MDFIC: variants seen among roughly 807,000 people sequenced by gnomAD.
MDFIC encodes MyoD family inhibitor domain containing, also known as myoD family inhibitor domain-containing protein.
MDFIC carries 17 observed loss-of-function variants against 23.2 expected under a neutral mutation model. The observed-to-expected ratio is 0.73, with a 90% CI of 0.50 to 1.10. The LOEUF is 1.10. Ranked by LOEUF, MDFIC falls within the 50% of genes least tolerant of loss-of-function variation. The pLI is 0.00. For missense variants in MDFIC, 356 were observed against 316.6 expected (o/e 1.12, Z -0.95); for synonymous variants, 120 against 115.2 (o/e 1.04, Z -0.27).
chr7:115,002,984 C>A (rs1467635801), intron 4 of MDFIC, among the ~76,000 whole-genome samples: 1 of 152,142 alleles, frequency 6.6e-6, no homozygotes, highest in Admixed American at 6.5e-5. Flanking sequence ...TAGCTATGTG[C>A]GGTCCCTGTT....
chr7:114,967,151 A>G (rs1286460579), intron 3 of MDFIC, among the ~76,000 whole-genome samples: 1 of 152,130 alleles, frequency 6.6e-6, no homozygotes, highest in Admixed American at 6.5e-5. Context: ...CATCTTTCTT[A>G]AGAGATTACA....
At chr7:114,982,721 TGAGACTG>T (rs1275307437) in intron 4 of MDFIC, among the ~76,000 whole-genome samples, 1 of 151,998 alleles carries the variant, frequency 6.6e-6, no homozygotes, top group Non-Finnish European at 1.5e-5. Context: ...ATAAAACACC[TGAGACTG>T]GGTATTTGAT....
chr7:115,006,440 C>CTCA (rs564475573), intron 4 of MDFIC, among the ~76,000 whole-genome samples: 115 of 152,044 alleles, frequency 7.6e-4, no homozygotes, highest in Admixed American at 1.6e-3. Flanking sequence ...TGTTATTTTA[C>CTCA]TCATCATCAT....
rs928305539 is a variant in MDFIC at position 115,016,431 on chromosome 7, G to A, written c.*496G>A. ...GCAGATTGCCTGAGCTCAGGAGTTC[G>A]AGACCAGCCAGGGCAACATGGTGAA... On this transcript the variant is annotated 3_prime_UTR_variant, in exon 5 of 5. Transcript: ENST00000393486. 7.6e-5 allele frequency: 12 copies of A among 158,634 alleles called. No homozygotes were observed. Among genetic ancestry groups the A allele is most frequent in the Admixed American group, 4.3e-4 (7 of 16,330 alleles). 9.8% of individuals were successfully genotyped at this position (158,634 alleles called of 1,614,324 possible). A position where few individuals can be genotyped will look rare whatever the true frequency, so the allele number is the denominator to read the frequency against.
intron 2 of MDFIC, 31 bp downstream of exon 2, chr7:114,923,158 T>C (rs745696079): frequency 2.0e-6 from 3 of 1,528,798 alleles, no homozygotes; most frequent in Admixed American, 3.9e-5. Flanking sequence ...GGCAAGCTTC[T>C]TTGTCATTGT....
chr7:114,956,380 C>CAT (rs908676218), intron 3 of MDFIC, among the ~76,000 whole-genome samples: 3 of 151,454 alleles, frequency 2.0e-5, no homozygotes, highest in South Asian at 4.2e-4. Flanking sequence ...TACACACACA[C>CAT]ATATATATAC....
chr7:114,987,686 A>AGT (rs1793537661), intron 4 of MDFIC, among the ~76,000 whole-genome samples: 1 of 152,186 alleles, frequency 6.6e-6, no homozygotes, highest in Admixed American at 6.5e-5. Context: ...TACAATGAGG[A>AGT]GTGTGTGTAT....
chr7:114,945,523 T>C (rs1269853328), intron 3 of MDFIC, among the ~76,000 whole-genome samples: 2 of 152,104 alleles, frequency 1.3e-5, no homozygotes, highest in Non-Finnish European at 2.9e-5. Context: ...GGTATTATGG[T>C]TTTTCAGGGT....
At chr7:114,991,732 A>G (rs1399147929) in intron 4 of MDFIC, among the ~76,000 whole-genome samples, 3 of 152,204 alleles carry the variant, frequency 2.0e-5, no homozygotes, top group African/African-American at 7.2e-5. Context: ...TACCAGTACC[A>G]TGCTGTTTTG....
chr7:114,957,177 T>C (rs575515768), intron 3 of MDFIC, among the ~76,000 whole-genome samples: 21 of 152,292 alleles, frequency 1.4e-4, no homozygotes, highest in African/African-American at 5.1e-4. Context: ...CATAAGAAAT[T>C]ATTTATCTTA....
At chr7:114,991,999 A>G (rs1297034291) in intron 4 of MDFIC, among the ~76,000 whole-genome samples, 1 of 152,158 alleles carries the variant, frequency 6.6e-6, no homozygotes, top group Non-Finnish European at 1.5e-5. Context: ...ATGTTCTTCC[A>G]TTTGTTTGTG....
At chr7:114,960,997 G>A (rs1792979147) in intron 3 of MDFIC, among the ~76,000 whole-genome samples, 1 of 152,116 alleles carries the variant, frequency 6.6e-6, no homozygotes, top group Non-Finnish European at 1.5e-5. Flanking sequence ...TCAAGATTTG[G>A]AGGACCCAAG....
chr7:114,925,291 C>T (rs1792167818), intron 2 of MDFIC, among the ~76,000 whole-genome samples: 1 of 152,048 alleles, frequency 6.6e-6, no homozygotes, highest in Admixed American at 6.6e-5. Flanking sequence ...AGGCATGAAA[C>T]ATTACAGTTG....
At chr7:114,973,337 A>G (rs1793245974) in intron 3 of MDFIC, among the ~76,000 whole-genome samples, 1 of 152,126 alleles carries the variant, frequency 6.6e-6, no homozygotes, top group Admixed American at 6.6e-5. Flanking sequence ...GGTCTCTGGA[A>G]CATCTCTTAA....
rs11273513 is a variant in MDFIC, at chr7:114,929,084, G to GATCTATCTATCT, written c.94+5965_94+5976dup. The stretch of plus-strand genomic sequence containing the variant: ...AGATATAGATCTATAGATAAATATA[G>GATCTATCTATCT]ATCTATCTATCTATCTATCATCTAT... On this transcript the variant is annotated intron_variant, in intron 2 of 4. Coordinates refer to ENST00000393486, the MANE Select transcript of MDFIC (RefSeq NM_001166345.3). Among the ~76,000 whole-genome samples, 166 of 148,076 alleles carry GATCTATCTATCT rather than the reference G, an allele frequency of 1.1e-3. 1 individual carries two copies. Among genetic ancestry groups the GATCTATCTATCT allele is most frequent in the African/African-American group, 2.2e-3 (88 of 40,100 alleles).
Position 114,979,530 on chromosome 7 carries a change from T to G in MDFIC, c.242T>G (p.Leu81Arg), listed in dbSNP as rs776210430. ...IRTQPQRLPQLQTSAQVPSGE... is the reference protein window; with the variant it reads ...IRTQPQRLPQRQTSAQVPSGE... ...GCCCAACCTCAGCGCTTGCCTCAGC[T>G]TCAGACTTCAGCCCAGGTGCCAAGT... Residue 81 changes from leucine (L) to arginine (R), a missense_variant, in exon 4 of 5, where the codon CTT (leucine) becomes CGT (arginine). Transcript: ENST00000393486. The G allele has an allele frequency of 2.5e-6, 4 of 1,613,410 alleles. No homozygotes were observed. The highest frequency in any genetic ancestry group is 2.2e-5 in the East Asian group (1 of 44,836).
At chr7:114,998,913 T>C (rs1280354174) in intron 4 of MDFIC, among the ~76,000 whole-genome samples, 2 of 152,310 alleles carry the variant, frequency 1.3e-5, no homozygotes, top group Middle Eastern at 3.4e-3. Flanking sequence ...GTGACTGTTT[T>C]ATGCTCTAGT....
chr7:114,982,481 G>A (rs2115976637), intron 4 of MDFIC, among the ~76,000 whole-genome samples: 1 of 152,024 alleles, frequency 6.6e-6, no homozygotes, highest in African/African-American at 2.4e-5. Context: ...CTTGAGACCA[G>A]GAGTTCAAGA....
intron 3 of MDFIC, among the ~76,000 whole-genome samples, chr7:114,963,327 G>A (rs1341838891): frequency 6.6e-6 from 1 of 152,186 alleles, no homozygotes; most frequent in African/African-American, 2.4e-5. Context: ...GACAGTGTGT[G>A]TATTATCTAG....
Sources: allele counts gnomAD v4.1 joint callset (sites outside exome capture counted in the v4.1 genomes callset), GRCh38; gene constraint gnomAD v4.1.1; transcripts MANE v1.5; gene names NCBI Gene and HGNC (gene_info 2026-07-23, HGNC 2026-07-21).